Variants in NLRP5 observed in about 807,000 individuals in gnomAD.
NLRP5 encodes the protein NACHT, LRR and PYD domains-containing protein 5.
Under a neutral mutation model 113.1 loss-of-function variants are expected in NLRP5, and 93 were observed. The ratio of observed to expected loss-of-function variants is 0.82; its 90% CI spans 0.70 to 0.98. The LOEUF is 0.98. NLRP5 is among the 50% of genes least tolerant of loss of function. The pLI is 0.00. For synonymous variants in NLRP5, 751 were observed against 600.7 expected, an observed-to-expected ratio of 1.25 and a Z score of -3.66; for missense variants, 1,808 against 1,514.3, an observed-to-expected ratio of 1.19 and a Z score of -3.22.
chr19:56,004,120 A>AG, intron 2 of NLRP5, 25 bp downstream of exon 2: 2 of 1,568,866 alleles, frequency 1.3e-6, no homozygotes, highest in Non-Finnish European at 1.7e-6. Flanking sequence ...GGACAAGTCT[A>AG]GGGCAGGGAG....
chr19:56,019,855 GAGA>G (rs1982546980), intron 5 of NLRP5, among the ~76,000 whole-genome samples: 1 of 111,772 alleles, frequency 8.9e-6, no homozygotes, highest in East Asian at 2.2e-4. Flanking sequence ...TTTTTTTTTT[GAGA>G]AGGAGTCTCG....
the NLRP5 span, among the ~76,000 whole-genome samples, chr19:55,990,731 A>G: frequency 1.3e-5 from 2 of 152,130 alleles, no homozygotes; most frequent in Admixed American, 1.3e-4. Flanking sequence ...AGGCTGAGGC[A>G]GGAGAATGGC....
intron 3 of NLRP5, among the ~76,000 whole-genome samples, chr19:56,015,291 G>A (rs184234168): frequency 1.6e-3 from 251 of 152,270 alleles, no homozygotes; most frequent in African/African-American, 5.9e-3. Context: ...TGCCTCCTGG[G>A]TTCAGGCAAT....
At chr19:55,994,940 G>A (rs1599871196), upstream of NLRP5, among the ~76,000 whole-genome samples, 2 of 152,220 alleles carry the variant, frequency 1.3e-5, no homozygotes, top group South Asian at 2.1e-4. Context: ...AGAGACAGGG[G>A]TCTAGTTTAA....
chr19:56,058,139 G>GTT, intron 13 of NLRP5, 101 bp from the exon 14 acceptor site: 2 of 923,824 alleles, frequency 2.2e-6, no homozygotes, highest in East Asian at 5.4e-5. Flanking sequence ...GTTTTGTTTT[G>GTT]TTTTCCCAAA....
rs770624516 is a variant in NLRP5, at chr19:56,030,714, C to CTTTTTTTTTTTTTTTTTTTT, written c.2277-1879_2277-1878insTTTTTTTTTTTTTTTTTTTT. Among the ~76,000 whole-genome samples, 509 of 71,304 alleles carry CTTTTTTTTTTTTTTTTTTTT rather than the reference C, an allele frequency of 7.1e-3. 87 individuals are homozygous for CTTTTTTTTTTTTTTTTTTTT. The highest frequency in any genetic ancestry group is 0.012 in the African/African-American group (172 of 13,966). The allele number at this position is 71,304 out of a possible 152,430, so 46.8% of individuals were successfully genotyped here. A position where few individuals can be genotyped will look rare whatever the true frequency, so the allele number is the denominator to read the frequency against. On this transcript the variant is annotated intron_variant, in intron 7 of 14. Transcript: ENST00000390649. ...ACTTACATTCATTCGCTTTCTTCTT[C>CTTTTTTTTTTTTTTTTTTTT]TTTTTTTTTTTTTTTTTTGAGACGG...
intron 3 of NLRP5, among the ~76,000 whole-genome samples, chr19:56,013,185 ATGTTTTTGTTTTT>A (rs1464673172): frequency 5.3e-5 from 8 of 151,880 alleles, no homozygotes; most frequent in East Asian, 1.9e-4. Context: ...ATTTAACATA[ATGTTTTTGTTTTT>A]TGTTTTTGTT....
In NLRP5 at chr19:56,056,277, G is replaced by T. The variant is rs1451340789; in HGVS notation, c.3300-1963G>T. On this transcript the variant is annotated intron_variant, in intron 13 of 14. Coordinates refer to ENST00000390649, the MANE Select transcript of NLRP5 (RefSeq NM_153447.4). ...CTCCTGTAACAATAAAGAAAGCATG[G>T]CCGGGTGTGGTGGCTCATGACTGTC... is the stretch of plus-strand genomic sequence containing the variant. Among the ~76,000 whole-genome samples the T allele has an allele frequency of 4.6e-5, 7 of 152,182 alleles. No individual in the cohort carries two copies. The South Asian group carries it at 1.2e-3, about 27-fold the overall frequency.
At chr19:56,054,687 A>G (rs1984063888) in intron 13 of NLRP5, among the ~76,000 whole-genome samples, 2 of 152,196 alleles carry the variant, frequency 1.3e-5, no homozygotes, top group South Asian at 2.1e-4. Context: ...CATTTGTATA[A>G]AATACCCAAA....
At chr19:55,989,657 C>A in the NLRP5 span, among the ~76,000 whole-genome samples, 1 of 152,176 alleles carries the variant, frequency 6.6e-6, no homozygotes, top group Non-Finnish European at 1.5e-5. Context: ...GCTCATCACC[C>A]AAAGACATTC....
Position 56,028,068 on chromosome 19 carries a change from T to C in NLRP5, c.1835T>C (p.Val612Ala), listed in dbSNP as rs561753491. Reference sequence around the variant, plus strand: ...GAGCCAGCTCTCTGCCCTCTGTACGTTGAGAAGACAAAGAGGTCCATGGAG... The same window carrying C: ...GAGCCAGCTCTCTGCCCTCTGTACGCTGAGAAGACAAAGAGGTCCATGGAG... The change falls in exon 7 of 15, where the codon GTT (valine) becomes GCT (alanine). Residue 612 changes from valine (V) to alanine (A), a missense_variant. By Grantham distance (64) the Val-to-Ala change is moderately conservative. Coordinates refer to ENST00000390649, the MANE Select transcript of NLRP5 (RefSeq NM_153447.4). 6 of 1,614,026 alleles carry C rather than the reference T, an allele frequency of 3.7e-6. No homozygotes were observed. The highest frequency in any genetic ancestry group is 1.6e-4 in the Middle Eastern group (1 of 6,062).
chr19:56,026,527 CAAAA>C (rs375845864), intron 6 of NLRP5, among the ~76,000 whole-genome samples: 18 of 40,352 alleles, frequency 4.5e-4, no homozygotes, highest in Admixed American at 4.4e-3. Flanking sequence ...GACTCCATCT[CAAAA>C]AAAAAAAAAA....
intron 13 of NLRP5, among the ~76,000 whole-genome samples, chr19:56,057,518 A>G (rs1302464801): frequency 1.3e-5 from 2 of 152,122 alleles, no homozygotes; most frequent in Non-Finnish European, 2.9e-5. Flanking sequence ...TGATTTTTTT[A>G]TATCAATGCA....
the NLRP5 span, among the ~76,000 whole-genome samples, chr19:55,992,980 G>A: frequency 6.6e-6 from 1 of 151,932 alleles, no homozygotes; most frequent in Non-Finnish European, 1.5e-5. Flanking sequence ...CTCTTGAGTA[G>A]CTGGGATTAC....
intron 10 of NLRP5, among the ~76,000 whole-genome samples, chr19:56,040,683 C>A (rs1568497501): frequency 6.6e-6 from 1 of 152,330 alleles, no homozygotes; most frequent in East Asian, 1.9e-4. Flanking sequence ...TGTTGCCCAG[C>A]CATTCCCCAT....
chr19:56,015,848 GTGA>G, intron 4 of NLRP5, 50 bp downstream of exon 4: 1 of 1,421,796 alleles, frequency 7.0e-7, no homozygotes, highest in Non-Finnish European at 9.6e-7. Context: ...AGAAAGTTGG[GTGA>G]GAGAAGTTCA....
At chr19:55,996,358 C>T (rs1981324688), upstream of NLRP5, among the ~76,000 whole-genome samples, 1 of 151,822 alleles carries the variant, frequency 6.6e-6, no homozygotes, top group African/African-American at 2.4e-5. Flanking sequence ...CTTTGTTCAT[C>T]TTTTCTTTTA....
chr19:56,020,369 T>G lies in NLRP5; in HGVS notation c.623-6T>G, dbSNP rs368410917. 6.4e-5 allele frequency: 103 copies of G among 1,600,574 alleles called. 1 individual carries two copies. In the Middle Eastern group the frequency reaches 3.2e-3, roughly 49 times the overall value. ...CACAAGTATGTTGGAATTCATTCTT[T>G]TGCAGAAATTTCACAAGCTATGGAA... On this transcript the variant is annotated splice_polypyrimidine_tract_variant and splice_region_variant and intron_variant, in intron 5 of 14. Transcript: ENST00000390649.
intron 13 of NLRP5, among the ~76,000 whole-genome samples, chr19:56,055,693 C>A (rs1400506882): frequency 1.3e-5 from 2 of 151,366 alleles, no homozygotes; most frequent in Non-Finnish European, 3.0e-5. Context: ...CTACAGGTGC[C>A]CGCCACCACG....
Sources: allele counts gnomAD v4.1 joint callset (sites outside exome capture counted in the v4.1 genomes callset), GRCh38; gene constraint gnomAD v4.1.1; transcripts MANE v1.5; gene names NCBI Gene and HGNC (gene_info 2026-07-23, HGNC 2026-07-21).